GPC6: variants seen among roughly 807,000 people sequenced by gnomAD.
GPC6 encodes the protein glypican-6.
Under a neutral mutation model 55.2 loss-of-function variants are expected in GPC6, and 14 were observed. The ratio of observed to expected loss-of-function variants is 0.25; its 90% CI spans 0.17 to 0.40. GPC6 has a LOEUF of 0.40. Among genes scored for constraint, GPC6 ranks in the 10% least tolerant of loss-of-function variants. GPC6 has a pLI of 1.00. For missense variants in GPC6, 641 were observed against 708.5 expected, an observed-to-expected ratio of 0.90 and a Z score of 1.08; for synonymous variants, 278 against 259.6, an observed-to-expected ratio of 1.07 and a Z score of -0.68.
intron 3 of GPC6, among the ~76,000 whole-genome samples, chr13:93,960,910 T>G (rs1476811723): frequency 2.0e-5 from 3 of 151,580 alleles, no homozygotes; most frequent in Non-Finnish European, 4.4e-5. Flanking sequence ...CCTCCCAGGT[T>G]CATGCCATTC....
chr13:94,393,431 G>A (rs1443670660), intron 7 of GPC6, among the ~76,000 whole-genome samples: 1 of 152,104 alleles, frequency 6.6e-6, no homozygotes, highest in Admixed American at 6.5e-5. Flanking sequence ...CTGCACATAG[G>A]GATTTACATC....
intron 3 of GPC6, among the ~76,000 whole-genome samples, chr13:93,864,301 A>G (rs758265847): frequency 6.6e-6 from 1 of 151,714 alleles, no homozygotes; most frequent in Non-Finnish European, 1.5e-5. Flanking sequence ...TCTACTGAGC[A>G]ATCCTCCCAG....
intron 2 of GPC6, among the ~76,000 whole-genome samples, chr13:93,740,149 A>AT (rs1884152371): frequency 6.6e-6 from 1 of 152,166 alleles, no homozygotes; most frequent in Admixed American, 6.5e-5. Context: ...CACCTTTGAA[A>AT]TTACAAATCA....
At chr13:94,019,889 G>C (rs1032604755) in intron 3 of GPC6, among the ~76,000 whole-genome samples, 2 of 152,024 alleles carry the variant, frequency 1.3e-5, no homozygotes, top group African/African-American at 4.8e-5. Context: ...TCTGATTTTA[G>C]TTACTTTTTC....
At chr13:93,661,548 A>G (rs903427657) in intron 2 of GPC6, among the ~76,000 whole-genome samples, 2 of 152,128 alleles carry the variant, frequency 1.3e-5, no homozygotes, top group African/African-American at 4.8e-5. Flanking sequence ...ACTGAGGAAT[A>G]TGGGACACAC....
At chr13:93,641,776 T>C (rs977467253) in intron 2 of GPC6, among the ~76,000 whole-genome samples, 2 of 152,024 alleles carry the variant, frequency 1.3e-5, no homozygotes, top group Non-Finnish European at 2.9e-5. Flanking sequence ...AAGGAAAACA[T>C]TGTCAGATTT....
rs544612329 is a variant in GPC6, at chr13:93,698,650, A to C, written c.320-131504A>C. ...CTGAATTGATCATCTATTCTTCTAA[A>C]TACTCCTTTCACTTTAAAAAATATG... On this transcript the variant is annotated intron_variant, in intron 2 of 8. Coordinates refer to ENST00000377047, the MANE Select transcript of GPC6 (RefSeq NM_005708.5). 2.6e-5 allele frequency among the ~76,000 whole-genome samples: 4 copies of C among 151,560 alleles called. No homozygotes were observed. The South Asian group carries it at 8.3e-4, about 32-fold the overall frequency.
intron 1 of GPC6, among the ~76,000 whole-genome samples, chr13:93,506,947 G>T (rs1292645305): frequency 6.7e-6 from 1 of 149,256 alleles, no homozygotes; most frequent in Non-Finnish European, 1.5e-5. Flanking sequence ...TGTAGTCCCA[G>T]CTACTCGGGA....
chr13:94,373,868 G>T (rs1305445416), intron 6 of GPC6, among the ~76,000 whole-genome samples: 1 of 151,940 alleles, frequency 6.6e-6, no homozygotes, highest in Non-Finnish European at 1.5e-5. Context: ...CGGATCTCTC[G>T]GCAGAAACCC....
At chr13:94,372,802 T>G (rs1014453306) in intron 6 of GPC6, among the ~76,000 whole-genome samples, 15 of 152,260 alleles carry the variant, frequency 9.9e-5, no homozygotes, top group African/African-American at 3.6e-4. Context: ...CTCTGCAGAC[T>G]TAAATGTCCC....
chr13:93,543,712 C>G (rs959079882), intron 1 of GPC6, among the ~76,000 whole-genome samples: 1 of 152,078 alleles, frequency 6.6e-6, no homozygotes, highest in Admixed American at 6.6e-5. Context: ...TTTTCTTTAA[C>G]TGTTTGTTTG....
chr13:94,340,325 T>C (rs74542081), intron 6 of GPC6, among the ~76,000 whole-genome samples: 1 of 151,910 alleles, frequency 6.6e-6, no homozygotes, highest in Non-Finnish European at 1.5e-5. Flanking sequence ...CTGAAGAACA[T>C]TCCCAAAAAT....
chr13:93,284,319 A>G (rs1301460977), intron 1 of GPC6, among the ~76,000 whole-genome samples: 1 of 152,198 alleles, frequency 6.6e-6, no homozygotes, highest in Non-Finnish European at 1.5e-5. Flanking sequence ...TATGTCTTAC[A>G]AATAGGGTTT....
chr13:94,340,828 C>T (rs7981682), intron 6 of GPC6, among the ~76,000 whole-genome samples: 12,979 of 152,198 alleles, frequency 0.085, 621 homozygotes, highest in African/African-American at 0.11. Context: ...ATTTGCTGCA[C>T]GGGAATATTT....
At chr13:93,236,082 C>A (rs1876224038) in intron 1 of GPC6, among the ~76,000 whole-genome samples, 1 of 152,178 alleles carries the variant, frequency 6.6e-6, no homozygotes, top group African/African-American at 2.4e-5. Context: ...AGTCCCCCAG[C>A]AGAGATGCCC....
intron 6 of GPC6, 57 bp from the exon 7 acceptor site, chr13:94,382,357 A>G: frequency 2.5e-6 from 4 of 1,599,032 alleles, no homozygotes; most frequent in Non-Finnish European, 3.4e-6. Context: ...GTCCTTGTGT[A>G]GAAATGGGGA....
chr13:93,316,035 T>C (rs1363235732), intron 1 of GPC6, among the ~76,000 whole-genome samples: 1 of 152,066 alleles, frequency 6.6e-6, no homozygotes, highest in African/African-American at 2.4e-5. Context: ...CTGTATATAC[T>C]TGAGGCCACC....
chr13:93,532,706 C>G (rs1456753773), intron 1 of GPC6, among the ~76,000 whole-genome samples: 1 of 152,132 alleles, frequency 6.6e-6, no homozygotes, highest in East Asian at 1.9e-4. Context: ...AACAGTTCAG[C>G]TTCTCTGAAA....
intron 3 of GPC6, among the ~76,000 whole-genome samples, chr13:93,922,120 G>A (rs1024840259): frequency 8.5e-5 from 13 of 152,288 alleles, no homozygotes; most frequent in African/African-American, 3.1e-4. Context: ...AGAGGGTCGT[G>A]ATAGTGAAAA....
Sources: gnomAD v4.1 joint callset for allele counts (sites outside exome capture counted in the v4.1 genomes callset) on GRCh38, gnomAD v4.1.1 for gene constraint, MANE v1.5 for transcripts, NCBI Gene and HGNC (gene_info 2026-07-23, HGNC 2026-07-21) for gene names.